Variants in NDST3 observed in about 807,000 individuals in gnomAD.
NDST3 encodes the protein N-deacetylase and N-sulfotransferase 3.
A neutral mutation model predicts 96.1 loss-of-function variants in NDST3; 58 were observed. The ratio of observed to expected loss-of-function variants is 0.60; its 90% confidence interval spans 0.49 to 0.75. The LOEUF is 0.75. NDST3 is among the 30% of genes least tolerant of loss of function. The pLI is 0.00. For synonymous variants in NDST3, 333 were observed against 359.7 expected (o/e 0.93, Z 0.84); for missense variants, 788 against 1,034.2 (o/e 0.76, Z 3.27).
In NDST3 at chr4:118,233,069, C is replaced by G; in HGVS notation, c.1877C>G (p.Pro626Arg). Residue 626 changes from proline to arginine, a missense_variant, in exon 9 of 14, where the codon CCC becomes CGC. This residue lies in a region of NDST3 where 490 missense variants were observed against 708.8 expected (regional missense o/e 0.69). Transcript: ENST00000296499. Reference sequence around the variant, plus strand: ...CATCCTTCCATCCTTAGTAACTCCCCCAGCCCAAAAACCTTTGAGGAGGTA... The same window carrying G: ...CATCCTTCCATCCTTAGTAACTCCCGCAGCCCAAAAACCTTTGAGGAGGTA... ...VMHPSILSNS[P>R]SPKTFEEVQF... 1.2e-6 allele frequency: 2 copies of G among 1,612,974 alleles called. No homozygotes were observed. Among genetic ancestry groups the G allele is most frequent in the African/African-American group, 1.3e-5 (1 of 74,972 alleles).
Position 118,114,997 on chromosome 4 carries a change from A to G in NDST3, c.1224+37A>G, listed in dbSNP as rs767701461. On this transcript the variant is annotated intron_variant, in intron 4 of 13. Coordinates refer to ENST00000296499, the MANE Select transcript of NDST3 (RefSeq NM_004784.3). ...ACTTTGTTGCATTGAAGTAGTGTACACTGATTGGAGAAATGAAAAGATTCT... is the reference window on the plus strand; with the variant it reads ...ACTTTGTTGCATTGAAGTAGTGTACGCTGATTGGAGAAATGAAAAGATTCT... 23 of 1,589,232 alleles carry G rather than the reference A, an allele frequency of 1.4e-5. No homozygotes were observed. The South Asian group carries it at 2.6e-4, about 18-fold the overall frequency.
intron 6 of NDST3, among the ~76,000 whole-genome samples, chr4:118,148,128 CT>C (rs1391288890): frequency 6.6e-6 from 1 of 152,110 alleles, no homozygotes; most frequent in Non-Finnish European, 1.5e-5. Flanking sequence ...GAAACCCTGT[CT>C]CTACTAAAAA....
At chr4:118,120,814 C>T (rs116683595) in intron 4 of NDST3, among the ~76,000 whole-genome samples, 3 of 152,142 alleles carry the variant, frequency 2.0e-5, no homozygotes, top group African/African-American at 7.2e-5. Context: ...GTTCTTATAT[C>T]CCCCAATCTG....
chr4:118,139,453 TGA>T (rs1733390437), intron 5 of NDST3, among the ~76,000 whole-genome samples: 1 of 152,170 alleles, frequency 6.6e-6, no homozygotes, highest in African/African-American at 2.4e-5. Context: ...GGCTCTTGGA[TGA>T]GAGTTTCCAA....
intron 2 of NDST3, among the ~76,000 whole-genome samples, chr4:118,059,384 G>A (rs921727968): frequency 1.3e-5 from 2 of 152,068 alleles, no homozygotes; most frequent in Non-Finnish European, 2.9e-5. Context: ...AGAAAGGGAA[G>A]TTCTTAAATT....
At chr4:118,141,085 C>T (rs1236770186) in intron 5 of NDST3, among the ~76,000 whole-genome samples, 2 of 152,062 alleles carry the variant, frequency 1.3e-5, no homozygotes, top group African/African-American at 4.8e-5. Flanking sequence ...CCTGAATGAG[C>T]CTTAGGTACA....
chr4:118,038,027 T>G (rs994894212), intron 1 of NDST3, among the ~76,000 whole-genome samples: 1 of 152,208 alleles, frequency 6.6e-6, no homozygotes, highest in Non-Finnish European at 1.5e-5. Flanking sequence ...AACACTGATC[T>G]GTAACTTTAC....
intron 6 of NDST3, chr4:118,193,693 G>T (rs1177728989): frequency 7.6e-6 from 10 of 1,309,604 alleles, no homozygotes; most frequent in Non-Finnish European, 9.9e-6. Context: ...TCACAGCCAG[G>T]TGGGCCTCTC....
intron 6 of NDST3, among the ~76,000 whole-genome samples, chr4:118,201,150 G>A (rs539800092): frequency 6.6e-6 from 1 of 151,814 alleles, no homozygotes; most frequent in Non-Finnish European, 1.5e-5. Context: ...ATTCCGTGGT[G>A]TGTATATACA....
At chr4:118,169,067 C>T (rs1192514273) in intron 6 of NDST3, among the ~76,000 whole-genome samples, 1 of 151,996 alleles carries the variant, frequency 6.6e-6, no homozygotes, top group Non-Finnish European at 1.5e-5. Context: ...CAATACTGTA[C>T]TGTATATTTA....
chr4:118,173,842 G>C (rs762553392), intron 6 of NDST3, among the ~76,000 whole-genome samples: 1 of 152,070 alleles, frequency 6.6e-6, no homozygotes, highest in Non-Finnish European at 1.5e-5. Context: ...GTCTTGCTTT[G>C]CTATTGTAAT....
At chr4:118,247,547 T>C (rs148550913) in intron 12 of NDST3, among the ~76,000 whole-genome samples, 7,833 of 151,714 alleles carry the variant, frequency 0.052, 286 homozygotes, top group Non-Finnish European at 0.083. Flanking sequence ...AGTGAAACTC[T>C]GTCTAAAAAA....
At chr4:118,094,695 C>CT (rs1729149954) in intron 2 of NDST3, among the ~76,000 whole-genome samples, 1 of 151,860 alleles carries the variant, frequency 6.6e-6, no homozygotes, top group South Asian at 2.1e-4. Flanking sequence ...CAGCAAGACT[C>CT]TATTGGGAGC....
intron 8 of NDST3, among the ~76,000 whole-genome samples, chr4:118,227,417 T>C (rs1165951432): frequency 6.6e-6 from 1 of 152,118 alleles, no homozygotes; most frequent in Non-Finnish European, 1.5e-5. Context: ...TATTGTTTAT[T>C]TGTAAACTAT....
At chr4:118,070,068 C>T (rs988653877) in intron 2 of NDST3, among the ~76,000 whole-genome samples, 3 of 152,046 alleles carry the variant, frequency 2.0e-5, no homozygotes, top group African/African-American at 2.4e-5. Flanking sequence ...TCATTTCTCC[C>T]CTGCAAAGAT....
At chr4:118,118,197 C>A (rs1731274943) in intron 4 of NDST3, among the ~76,000 whole-genome samples, 1 of 152,130 alleles carries the variant, frequency 6.6e-6, no homozygotes, top group Non-Finnish European at 1.5e-5. Context: ...TGGATTATAT[C>A]CTGCTCTTCT....
chr4:118,183,434 G>A (rs1736730453), intron 6 of NDST3, among the ~76,000 whole-genome samples: 3 of 152,134 alleles, frequency 2.0e-5, no homozygotes, highest in South Asian at 4.2e-4. Flanking sequence ...TCAAATGGTC[G>A]GTCTTTCTGG....
At chr4:118,133,462 C>T (rs989922316) in intron 4 of NDST3, among the ~76,000 whole-genome samples, 5 of 152,132 alleles carry the variant, frequency 3.3e-5, no homozygotes, top group African/African-American at 4.8e-5. Flanking sequence ...GTGGCATTGG[C>T]GATTCAAGAC....
At chr4:118,098,748 T>A (rs1287750086) in intron 2 of NDST3, among the ~76,000 whole-genome samples, 1 of 152,052 alleles carries the variant, frequency 6.6e-6, no homozygotes, top group African/African-American at 2.4e-5. Context: ...GAATGAAAAT[T>A]CACTAATGTC....
Sources: allele counts gnomAD v4.1 joint callset (sites outside exome capture counted in the v4.1 genomes callset), GRCh38; gene constraint gnomAD v4.1.1; regional missense constraint gnomAD v4.1.1; transcripts MANE v1.5; gene names NCBI Gene and HGNC (gene_info 2026-07-23, HGNC 2026-07-21).